The following MCTS1 variants were observed in gnomAD, a reference collection of about 807,000 sequenced individuals.
MCTS1 encodes MCTS1 re-initiation and release factor, also known as malignant T-cell-amplified sequence 1.
For synonymous variants in MCTS1, 26 were observed against 40.8 expected, an observed-to-expected ratio of 0.64 and a Z score of 1.38; for missense variants, 55 against 128.6, an observed-to-expected ratio of 0.43 and a Z score of 2.77.
At chrX:120,607,584 C>T (rs1319209391) in intron 3 of MCTS1, among the ~76,000 whole-genome samples, 2 of 111,211 alleles carry the variant, frequency 1.8e-5, no homozygotes, top group African/African-American at 6.5e-5. Flanking sequence ...TGAATAACAT[C>T]TTGTTTTGGA....
At position 120,614,375 on chromosome X, in the gene MCTS1, T is replaced by C. The variant is rs1338382962; in HGVS notation, c.*2111T>C. ...TGCTGAGGTAAGACTTGGAGAATTT[T>C]TCCTGCTTCATCATTAATTAGAATG... On this transcript the variant is annotated 3_prime_UTR_variant, in exon 6 of 6. Transcript: ENST00000371317. Among the ~76,000 whole-genome samples, 1 of 112,204 alleles carries C rather than the reference T, an allele frequency of 8.9e-6. No homozygotes were observed. The highest frequency in any genetic ancestry group is 3.2e-5 in the African/African-American group (1 of 30,894).
Position 120,607,646 on chromosome X carries a change from A to C in MCTS1, c.263-579A>C, listed in dbSNP as rs553395426. 8.1e-5 allele frequency among the ~76,000 whole-genome samples: 9 copies of C among 111,592 alleles called. No individual in the cohort carries two copies. In the Admixed American group the frequency reaches 8.6e-4, roughly 11 times the overall value. On this transcript the variant is annotated intron_variant, in intron 3 of 5. Transcript: ENST00000371317. The stretch of plus-strand genomic sequence containing the variant: ...GCATTGATACATTATTATTAACGCA[A>C]GTCCTTAGTTTACATTAGGGTTTAC...
At position 120,612,377 on chromosome X, in the gene MCTS1, A is replaced by G; in HGVS notation, c.*113A>G. The G allele has an allele frequency of 1.9e-6, 1 of 529,351 alleles. No individual in the cohort carries two copies. The highest frequency in any genetic ancestry group is 3.8e-5 in the Admixed American group (1 of 26,054). The allele number at this position is 529,351 out of a possible 1,213,427, so 43.6% of individuals were successfully genotyped here. ...TGTGGTTATGCTGAATAAATTCACC[A>G]GATGCTAAAATTCTGTTAGCTTCAG... On this transcript the variant is annotated 3_prime_UTR_variant, in exon 6 of 6. Coordinates refer to ENST00000371317, the MANE Select transcript of MCTS1 (RefSeq NM_014060.3).
At position 120,618,440 on chromosome X, in the gene MCTS1, T is replaced by G. The variant is rs1359606219; in HGVS notation, c.*6176T>G. Among the ~76,000 whole-genome samples, 1 of 112,417 alleles carries G rather than the reference T, an allele frequency of 8.9e-6. No individual in the cohort carries two copies. The highest frequency in any genetic ancestry group is 1.9e-5 in the Non-Finnish European group (1 of 53,332). On this transcript the variant is annotated 3_prime_UTR_variant, in exon 6 of 6. Transcript: ENST00000371317. ...GCTGGAAGGAAAGTCCTTTTTGCTC[T>G]GTAGGCTCTGGACAGCTTTCTTAGA... is the stretch of plus-strand genomic sequence containing the variant.
chrX:120,619,917 T>G lies in MCTS1; in HGVS notation c.*7653T>G, dbSNP rs1361817467. 2.7e-5 allele frequency among the ~76,000 whole-genome samples: 3 copies of G among 112,090 alleles called. No homozygotes were observed. Among genetic ancestry groups the G allele is most frequent in the African/African-American group, 9.7e-5 (3 of 30,827 alleles). ...TTAAATGTTATGCTATTTCAAAGTC[T>G]TCTACATCTTTAGAAAAGGACATGA... On this transcript the variant is annotated 3_prime_UTR_variant, in exon 6 of 6. Transcript: ENST00000371317.
chrX:120,612,058 T>G lies in MCTS1; in HGVS notation c.465-125T>G, dbSNP rs993120424. The G allele has an allele frequency of 1.6e-5, 8 of 511,975 alleles. No individual in the cohort carries two copies. In the African/African-American group the frequency reaches 1.9e-4, roughly 12 times the overall value. The allele number at this position is 511,975 out of a possible 1,213,427, so 42.2% of individuals were successfully genotyped here. ...TATAAACAACAATGTAATTGTGATG[T>G]CAATAAGTTCTTTACTTGTGGCTTA... On this transcript the variant is annotated intron_variant, in intron 5 of 5. Coordinates refer to ENST00000371317, the MANE Select transcript of MCTS1 (RefSeq NM_014060.3).
chrX:120,604,502 C>A, intron 1 of MCTS1: 1 of 553,888 alleles, frequency 1.8e-6, no homozygotes, highest in Admixed American at 4.2e-5. Context: ...CTTTTGCCCC[C>A]TCCCCCAATT....
chrX:120,614,233 T>G lies in MCTS1; in HGVS notation c.*1969T>G, dbSNP rs1926781560. On this transcript the variant is annotated 3_prime_UTR_variant, in exon 6 of 6. Transcript: ENST00000371317. ...GGAGATTCCCCAGTTAGAATATAAA[T>G]GTATTAATTCATAGTGATAGGTCTG... Among the ~76,000 whole-genome samples the G allele has an allele frequency of 8.9e-6, 1 of 112,208 alleles. No homozygotes were observed. The highest frequency in any genetic ancestry group is 3.2e-5 in the African/African-American group (1 of 30,892).
chrX:120,609,245 C>T (rs1244072180), intron 4 of MCTS1, among the ~76,000 whole-genome samples: 1 of 111,745 alleles, frequency 8.9e-6, no homozygotes, highest in African/African-American at 3.3e-5. Flanking sequence ...TGCAGTGGCA[C>T]GATCTTGTCT....
At chrX:120,604,990 T>C (rs1926495780) in intron 1 of MCTS1, 1 of 740,313 alleles carries the variant, frequency 1.4e-6, no homozygotes, top group Non-Finnish European at 1.8e-6. Flanking sequence ...TTCTATGTTA[T>C]GCTTGGGTTG....
chrX:120,604,870 G>T, intron 1 of MCTS1: 1 of 1,156,120 alleles, frequency 8.6e-7, no homozygotes, highest in Non-Finnish European at 1.2e-6. Flanking sequence ...AAAGGAAGGT[G>T]GGTTTTGTGC....
At chrX:120,605,026 G>A (rs980043480) in intron 1 of MCTS1, among the ~76,000 whole-genome samples, 1 of 111,382 alleles carries the variant, frequency 9.0e-6, no homozygotes, top group African/African-American at 3.3e-5. Flanking sequence ...AGAATTGAGG[G>A]TTTTGTTTTC....
rs1032544626 is a variant in MCTS1, at chrX:120,617,701, G to A, written c.*5437G>A. ...ACTCTACCACCTAGAATTTAAAGAC[G>A]GGAAGATTTACTTTATAATTTTAAT... is the stretch of plus-strand genomic sequence containing the variant. On this transcript the variant is annotated 3_prime_UTR_variant, in exon 6 of 6. Transcript: ENST00000371317. 4.5e-5 allele frequency among the ~76,000 whole-genome samples: 5 copies of A among 111,436 alleles called. No individual in the cohort carries two copies. The highest frequency in any genetic ancestry group is 1.6e-4 in the African/African-American group (5 of 30,702).
At position 120,615,787 on chromosome X, in the gene MCTS1, G is replaced by C. The variant is rs1423529696; in HGVS notation, c.*3523G>C. 9.0e-6 allele frequency among the ~76,000 whole-genome samples: 1 copy of C among 111,233 alleles called. No homozygotes were observed. Among genetic ancestry groups the C allele is most frequent in the Non-Finnish European group, 1.9e-5 (1 of 53,045 alleles). The stretch of plus-strand genomic sequence containing the variant: ...TATGGTGGTTTGGTAGTGGTCTGTT[G>C]GGAAGCTGCATTTTTCCTTTTCTGT... On this transcript the variant is annotated 3_prime_UTR_variant, in exon 6 of 6. Coordinates refer to ENST00000371317, the MANE Select transcript of MCTS1 (RefSeq NM_014060.3).
intron 4 of MCTS1, among the ~76,000 whole-genome samples, chrX:120,609,265 A>G (rs1278616020): frequency 9.0e-6 from 1 of 111,601 alleles, no homozygotes; most frequent in African/African-American, 3.3e-5. Flanking sequence ...TCACTGCAAC[A>G]TCTGCCTCCT....
rs1359970269 is a variant in MCTS1 at position 120,615,489 on chromosome X, C to T, written c.*3225C>T. ...CAATCTAGTGAGTAAAGAAAATTTA[C>T]ATTTTAAATAATCTGGGTAATGGTG... On this transcript the variant is annotated 3_prime_UTR_variant, in exon 6 of 6. Transcript: ENST00000371317. 8.9e-6 allele frequency among the ~76,000 whole-genome samples: 1 copy of T among 111,852 alleles called. No homozygotes were observed. Among genetic ancestry groups the T allele is most frequent in the African/African-American group, 3.2e-5 (1 of 30,818 alleles).
chrX:120,620,108 G>A lies in MCTS1; in HGVS notation c.*7844G>A, dbSNP rs902609507. ...GGGCGGATCACGAGGTCAGGAGATC[G>A]AGACCATCCTGGCTAACGTGAAACC... On this transcript the variant is annotated 3_prime_UTR_variant, in exon 6 of 6. Coordinates refer to ENST00000371317, the MANE Select transcript of MCTS1 (RefSeq NM_014060.3). 2.7e-5 allele frequency among the ~76,000 whole-genome samples: 3 copies of A among 110,385 alleles called. No homozygotes were observed. The highest frequency in any genetic ancestry group is 9.7e-5 in the Admixed American group (1 of 10,258).
In MCTS1 at chrX:120,608,517, G is replaced by C. The variant is rs1926599480; in HGVS notation, c.396+159G>C. ...CTGGTTACATTTGAAGTTGTACAAA[G>C]TAATTTTATTTGTTGCTACTAAATT... On this transcript the variant is annotated intron_variant, in intron 4 of 5. Transcript: ENST00000371317. The C allele has an allele frequency of 1.4e-5, 8 of 580,972 alleles. No homozygotes were observed. In the South Asian group the frequency reaches 5.9e-4, roughly 43 times the overall value. 47.9% of individuals were successfully genotyped at this position (580,972 alleles called of 1,213,427 possible).
intron 1 of MCTS1, chrX:120,604,761 G>A (rs1926488019): frequency 1.8e-6 from 2 of 1,091,925 alleles, no homozygotes; most frequent in African/African-American, 1.9e-5. Context: ...TTGCCCCATA[G>A]GCTATTCAGT....
Sources: gnomAD v4.1 joint callset for allele counts (sites outside exome capture counted in the v4.1 genomes callset) on GRCh38, gnomAD v4.1.1 for gene constraint, MANE v1.5 for transcripts, NCBI Gene and HGNC (gene_info 2026-07-23, HGNC 2026-07-21) for gene names.